ZMAT4: variants seen among roughly 807,000 people sequenced by gnomAD.
ZMAT4 encodes the protein zinc finger matrin-type 4.
Under a neutral mutation model 28.7 loss-of-function variants are expected in ZMAT4, and 17 were observed. The ratio of observed to expected loss-of-function variants is 0.59; its 90% confidence interval spans 0.41 to 0.89. The LOEUF is 0.89. Among genes scored for constraint, ZMAT4 ranks in the 40% least tolerant of loss-of-function variants. The probability of loss-of-function intolerance (pLI) is 0.00; values close to 1 mark genes in which losing one functional copy is unlikely to be tolerated. For synonymous variants in ZMAT4, 117 were observed against 109.2 expected (o/e 1.07, Z -0.44); for missense variants, 240 against 283.8 (o/e 0.85, Z 1.11).
At chr8:40,802,379 T>C (rs1814887428) in intron 2 of ZMAT4, among the ~76,000 whole-genome samples, 1 of 152,170 alleles carries the variant, frequency 6.6e-6, no homozygotes, top group South Asian at 2.1e-4. Context: ...TATAGCAAAG[T>C]CACAGAATAC....
At chr8:40,641,481 A>T (rs1223107569) in intron 5 of ZMAT4, among the ~76,000 whole-genome samples, 2 of 152,196 alleles carry the variant, frequency 1.3e-5, no homozygotes, top group Non-Finnish European at 2.9e-5. Flanking sequence ...ATTATTCTAA[A>T]AAACAGTGTT....
At chr8:40,738,793 T>C (rs977368931) in intron 3 of ZMAT4, among the ~76,000 whole-genome samples, 2 of 152,174 alleles carry the variant, frequency 1.3e-5, no homozygotes, top group Admixed American at 1.3e-4. Context: ...AGCGTCTAGG[T>C]GCTTTCCAGG....
At chr8:40,821,802 C>T (rs1479465363) in intron 2 of ZMAT4, among the ~76,000 whole-genome samples, 1 of 152,198 alleles carries the variant, frequency 6.6e-6, no homozygotes, top group Admixed American at 6.5e-5. Context: ...CTCACAGATT[C>T]CAAACTCTTC....
intron 3 of ZMAT4, among the ~76,000 whole-genome samples, chr8:40,754,626 G>A (rs1812597649): frequency 6.6e-6 from 1 of 152,048 alleles, no homozygotes; most frequent in Non-Finnish European, 1.5e-5. Flanking sequence ...GTTTGGTGAG[G>A]TGATTTGTAT....
chr8:40,539,082 C>T (rs1341189233), intron 6 of ZMAT4, among the ~76,000 whole-genome samples: 5 of 152,140 alleles, frequency 3.3e-5, no homozygotes, highest in Non-Finnish European at 1.5e-5. Flanking sequence ...CCACAACCGG[C>T]CTTTTATTGC....
At chr8:40,771,490 C>T (rs922690139) in intron 2 of ZMAT4, among the ~76,000 whole-genome samples, 2 of 151,870 alleles carry the variant, frequency 1.3e-5, no homozygotes, top group South Asian at 2.1e-4. Flanking sequence ...ATACTTTTTA[C>T]CCACAATTAT....
chr8:40,546,178 C>G (rs1803196479), intron 6 of ZMAT4, among the ~76,000 whole-genome samples: 1 of 151,634 alleles, frequency 6.6e-6, no homozygotes, highest in Admixed American at 6.6e-5. Context: ...CCACATGAAT[C>G]TCATCTTCAA....
chr8:40,849,800 T>G (rs997936984), intron 1 of ZMAT4, among the ~76,000 whole-genome samples: 1 of 152,206 alleles, frequency 6.6e-6, no homozygotes, highest in Non-Finnish European at 1.5e-5. Context: ...GACCACTATC[T>G]GCTCAATTAC....
Position 40,648,877 on chromosome 8 carries a change from G to C in ZMAT4, c.577+25827C>G, listed in dbSNP as rs1447814867. 7.1e-5 allele frequency among the ~76,000 whole-genome samples: 10 copies of C among 141,216 alleles called. No individual in the cohort carries two copies. In the Admixed American group the frequency reaches 7.3e-4, roughly 10 times the overall value. The allele number at this position is 141,216 out of a possible 152,430, so 92.6% of individuals were successfully genotyped here. On this transcript the variant is annotated intron_variant, in intron 5 of 6. Transcript: ENST00000297737. ...TACTTTACAGACAAGCAAATGCTGAGAGATTTTGTCACCACCAGGCCTGCC... is the reference window on the plus strand; with the variant it reads ...TACTTTACAGACAAGCAAATGCTGACAGATTTTGTCACCACCAGGCCTGCC...
At chr8:40,589,762 TTTTC>T (rs1180871124) in intron 5 of ZMAT4, among the ~76,000 whole-genome samples, 123 of 33,522 alleles carry the variant, frequency 3.7e-3, no homozygotes, top group African/African-American at 7.7e-3. Context: ...CTTTCTTTCT[TTTTC>T]TTTCTTTCTT....
intron 5 of ZMAT4, among the ~76,000 whole-genome samples, chr8:40,645,958 T>G (rs1252608090): frequency 6.6e-6 from 1 of 152,048 alleles, no homozygotes; most frequent in East Asian, 1.9e-4. Flanking sequence ...CATAATCTCC[T>G]TATTGTGAGT....
At chr8:40,801,351 A>AAAAAATATATATAT (rs370796453) in intron 2 of ZMAT4, among the ~76,000 whole-genome samples, 11 of 97,256 alleles carry the variant, frequency 1.1e-4, no homozygotes, top group African/African-American at 4.1e-4. Flanking sequence ...TAAAAAAAAA[A>AAAAAATATATATAT]ATATATATAT....
chr8:40,663,397 C>A (rs1383019612), intron 5 of ZMAT4, among the ~76,000 whole-genome samples: 1 of 152,154 alleles, frequency 6.6e-6, no homozygotes, highest in African/African-American at 2.4e-5. Flanking sequence ...TCTTCTCCCC[C>A]TCCCTTCCTC....
chr8:40,606,650 T>C (rs1334376648), intron 5 of ZMAT4, among the ~76,000 whole-genome samples: 3 of 152,236 alleles, frequency 2.0e-5, no homozygotes, highest in East Asian at 3.9e-4. Flanking sequence ...CTGATGACTA[T>C]GTGCCTAAGT....
At chr8:40,592,231 A>G (rs1230861395) in intron 5 of ZMAT4, among the ~76,000 whole-genome samples, 2 of 152,154 alleles carry the variant, frequency 1.3e-5, no homozygotes, top group African/African-American at 4.8e-5. Context: ...CCATTCCCAT[A>G]AGGATAATAT....
At chr8:40,712,297 G>A (rs1189531223) in intron 3 of ZMAT4, among the ~76,000 whole-genome samples, 2 of 152,148 alleles carry the variant, frequency 1.3e-5, no homozygotes, top group South Asian at 4.1e-4. Context: ...TTAAGAATAA[G>A]CTACTGTTTT....
chr8:40,538,851 T>C (rs749202758), intron 6 of ZMAT4, among the ~76,000 whole-genome samples: 2 of 152,180 alleles, frequency 1.3e-5, no homozygotes, highest in Non-Finnish European at 2.9e-5. Flanking sequence ...AGTGGCACCA[T>C]CTCAGCTCAC....
chr8:40,750,777 G>A (rs377116777), intron 3 of ZMAT4, among the ~76,000 whole-genome samples: 1 of 152,218 alleles, frequency 6.6e-6, no homozygotes, highest in African/African-American at 2.4e-5. Flanking sequence ...ACCATGTCTG[G>A]AGATTCCTGG....
chr8:40,600,397 G>A lies in ZMAT4; in HGVS notation c.578-19136C>T, dbSNP rs565387580. ...ATGCTGACTCTACCAAGATAAAAAT[G>A]GGCAAACTAAAGCATTCCTACACCA... On this transcript the variant is annotated intron_variant, in intron 5 of 6. Coordinates refer to ENST00000297737, the MANE Select transcript of ZMAT4 (RefSeq NM_024645.3). Among the ~76,000 whole-genome samples, 6 of 152,290 alleles carry A rather than the reference G, an allele frequency of 3.9e-5. No homozygotes were observed. The South Asian group carries it at 1.2e-3, about 32-fold the overall frequency.
Sources: allele counts gnomAD v4.1 joint callset (sites outside exome capture counted in the v4.1 genomes callset), GRCh38; gene constraint gnomAD v4.1.1; transcripts MANE v1.5; gene names NCBI Gene and HGNC (gene_info 2026-07-23, HGNC 2026-07-21).